Variants in LPIN3 observed in about 807,000 individuals in gnomAD.
LPIN3 encodes lipin 3.
In LPIN3, 82 loss-of-function variants were observed where a neutral mutation model predicts 94.7. The observed-to-expected ratio is 0.87, with a 90% CI of 0.72 to 1.04. LPIN3 has a LOEUF of 1.04. Among genes scored for constraint, LPIN3 ranks in the 50% least tolerant of loss-of-function variants. LPIN3 has a pLI of 0.00. For missense variants in LPIN3, 996 were observed against 1,090.5 expected (o/e 0.91, Z 1.22); for synonymous variants, 418 against 443.3 (o/e 0.94, Z 0.72).
chr20:41,342,639 GGCCCCC>G (rs1568986483), intron 1 of LPIN3, among the ~76,000 whole-genome samples: 1 of 152,074 alleles, frequency 6.6e-6, no homozygotes, highest in East Asian at 1.9e-4. Context: ...GCTCACAGAA[GGCCCCC>G]AAAATGCTGA....
intron 4 of LPIN3, 83 bp from the exon 5 acceptor site, chr20:41,349,009 C>A: frequency 6.3e-7 from 1 of 1,586,508 alleles, no homozygotes; most frequent in Non-Finnish European, 8.6e-7. Context: ...CTTCACCTTA[C>A]CAAGCCCCTG....
Position 41,357,371 on chromosome 20 carries a change from C to G in LPIN3, c.1963C>G (p.Leu655Val). The G allele has an allele frequency of 1.6e-5, 26 of 1,614,064 alleles. No individual in the cohort carries two copies. The highest frequency in any genetic ancestry group is 2.2e-5 in the Non-Finnish European group (26 of 1,179,958). The change falls in exon 16 of 20, where the codon CTG becomes GTG. Residue 655 changes from leucine (L) to valine (V), a missense_variant. Physicochemically the swap from Leu to Val is conservative, Grantham distance 32. Coordinates refer to ENST00000373257, the MANE Select transcript of LPIN3 (RefSeq NM_022896.3). The stretch of plus-strand genomic sequence containing the variant: ...CCTCTCTCACTCTAGGTCAGATGCT[C>G]TGGGCCATATCCTGCCCCAGCTGGG... The part of the protein sequence containing the change: ...IDGTITKSDA[L>V]GHILPQLGKD...
chr20:41,358,565 T>G, intron 19 of LPIN3, 23 bp downstream of exon 19: 15 of 1,612,450 alleles, frequency 9.3e-6, no homozygotes, highest in Non-Finnish European at 1.3e-5. Flanking sequence ...CCTGCCATGT[T>G]CCCCATGCCC....
At position 41,356,001 on chromosome 20, in the gene LPIN3, C is replaced by G. The variant is rs1242952795; in HGVS notation, c.1770C>G (p.Tyr590Ter). 1 of 1,614,162 alleles carries G rather than the reference C, an allele frequency of 6.2e-7. No individual in the cohort carries two copies. Among genetic ancestry groups the G allele is most frequent in the East Asian group, 2.2e-5 (1 of 44,882 alleles). Residue 590 changes from tyrosine (Y) to a stop codon, truncating the protein, a stop_gained, in exon 14 of 20, where the codon TAC (tyrosine) becomes TAG (stop). Coordinates refer to ENST00000373257, the MANE Select transcript of LPIN3 (RefSeq NM_022896.3). LOFTEE classifies it high-confidence loss of function. ...CCACTCCACCCTCCACTCCTACCTA[C>G]AAGAAGTCCCTCCGCCTCTCCTCCG... ...PPSTPPSTPT[Y>*]KKSLRLSSDQ...
chr20:41,349,320 T>C, intron 5 of LPIN3, 148 bp downstream of exon 5: 2 of 674,610 alleles, frequency 3.0e-6, no homozygotes, highest in East Asian at 2.8e-5. Flanking sequence ...TTCAAGTCTT[T>C]TATTGATTTT....
chr20:41,345,908 G>T lies in LPIN3; in HGVS notation c.105G>T (p.Val35=). The T allele has an allele frequency of 6.2e-7, 1 of 1,614,224 alleles. No homozygotes were observed. The highest frequency in any genetic ancestry group is 8.5e-7 in the Non-Finnish European group (1 of 1,180,052). The change falls in exon 2 of 20, where the codon GTG becomes GTT. Residue 35 remains valine (V), a synonymous_variant. Transcript: ENST00000373257. The part of the protein sequence containing the change: ...ATLSGGIDVL[V]VKQVDGSFRC... The stretch of plus-strand genomic sequence containing the variant: ...TGAGCGGCGGCATTGACGTGCTGGT[G>T]GTGAAGCAGGTGGACGGCTCGTTCC...
chr20:41,349,211 C>A, intron 5 of LPIN3, 39 bp downstream of exon 5: 1 of 1,582,958 alleles, frequency 6.3e-7, no homozygotes, highest in Non-Finnish European at 8.7e-7. Context: ...GACTCCAGAT[C>A]AAGGTCTGAG....
At position 41,359,600 on chromosome 20, in the gene LPIN3, G is replaced by A. The variant is rs1203361277; in HGVS notation, c.*734G>A. On this transcript the variant is annotated 3_prime_UTR_variant, in exon 20 of 20. Coordinates refer to ENST00000373257, the MANE Select transcript of LPIN3 (RefSeq NM_022896.3). ...GTGGTACAGCCTCTGGAAGGACACAGTGTTCTCCCCGCCCCTTGTCTGGGA... is the reference window on the plus strand; with the variant it reads ...GTGGTACAGCCTCTGGAAGGACACAATGTTCTCCCCGCCCCTTGTCTGGGA... 6.6e-6 allele frequency: 1 copy of A among 152,250 alleles called. No homozygotes were observed. The highest frequency in any genetic ancestry group is 2.4e-5 in the African/African-American group (1 of 41,430). The allele number at this position is 152,250 out of a possible 1,614,324, so 9.4% of individuals were successfully genotyped here.
intron 1 of LPIN3, among the ~76,000 whole-genome samples, chr20:41,344,405 A>G (rs1281381255): frequency 1.3e-5 from 2 of 152,238 alleles, no homozygotes; most frequent in Non-Finnish European, 2.9e-5. Context: ...CCTCACCTGT[A>G]AAGTCACTTA....
In LPIN3 at chr20:41,358,361, T is replaced by TC; in HGVS notation, c.2307+14dup. ...TGGGAATAGGCCCAATGTGAGTGTG[T>TC]CCCCTCCACTCTGCTGAGCCACCTC... On this transcript the variant is annotated intron_variant, in intron 18 of 19. Coordinates refer to ENST00000373257, the MANE Select transcript of LPIN3 (RefSeq NM_022896.3). 6.2e-7 allele frequency: 1 copy of TC among 1,613,432 alleles called. No individual in the cohort carries two copies. Among genetic ancestry groups the TC allele is most frequent in the South Asian group, 1.1e-5 (1 of 91,072 alleles).
At chr20:41,352,502 C>G in intron 9 of LPIN3, 104 bp from the exon 10 acceptor site, 1 of 1,071,032 alleles carries the variant, frequency 9.3e-7, no homozygotes. Flanking sequence ...GTTACAAAGC[C>G]AACCGACAGG....
chr20:41,350,847 A>G (rs1225385536), intron 7 of LPIN3, among the ~76,000 whole-genome samples: 2 of 152,100 alleles, frequency 1.3e-5, no homozygotes, highest in Non-Finnish European at 2.9e-5. Flanking sequence ...AGATGAGCAG[A>G]CTCAGATGGC....
At position 41,357,230 on chromosome 20, in the gene LPIN3, G is replaced by A. The variant is rs776831453; in HGVS notation, c.1952+42G>A. On this transcript the variant is annotated intron_variant, in intron 15 of 19. Coordinates refer to ENST00000373257, the MANE Select transcript of LPIN3 (RefSeq NM_022896.3). ...TGTGGGAAGGGGAGGGAGAGGGGTT[G>A]TGGACTCGCCTCCCTCTGTGCTGGG... 38 of 1,611,568 alleles carry A rather than the reference G, an allele frequency of 2.4e-5. No homozygotes were observed. In the Admixed American group the frequency reaches 5.8e-4, roughly 25 times the overall value.
At position 41,359,568 on chromosome 20, in the gene LPIN3, T is replaced by C. The variant is rs1178843286; in HGVS notation, c.*702T>C. The C allele has an allele frequency of 8.5e-5, 13 of 152,258 alleles. No homozygotes were observed. The highest frequency in any genetic ancestry group is 8.5e-4 in the Admixed American group (13 of 15,266). 9.4% of individuals were successfully genotyped at this position (152,258 alleles called of 1,614,324 possible). ...AGGCTTCAGTGAAGGGTGACAGCAG[T>C]GGGAGTGTGGTACAGCCTCTGGAAG... On this transcript the variant is annotated 3_prime_UTR_variant, in exon 20 of 20. Transcript: ENST00000373257.
At chr20:41,352,002 G>A (rs779637247) in intron 8 of LPIN3, 58 bp from the exon 9 acceptor site, 77 of 1,613,442 alleles carry the variant, frequency 4.8e-5, no homozygotes, top group Non-Finnish European at 6.4e-5. Context: ...TGTGAGGAGG[G>A]AGGACCCATC....
intron 4 of LPIN3, 65 bp from the exon 5 acceptor site, chr20:41,349,027 G>A: frequency 1.2e-6 from 2 of 1,600,078 alleles, no homozygotes; most frequent in South Asian, 1.1e-5. Flanking sequence ...CTGATGTCCA[G>A]GCTCTCATGC....
rs905845032 is a variant in LPIN3 at position 41,359,130 on chromosome 20, T to G, written c.*264T>G. 4.1e-5 allele frequency: 11 copies of G among 270,316 alleles called. No homozygotes were observed. The highest frequency in any genetic ancestry group is 2.0e-4 in the East Asian group (3 of 14,806). 16.7% of individuals were successfully genotyped at this position (270,316 alleles called of 1,614,324 possible). A position where few individuals can be genotyped will look rare whatever the true frequency, so the allele number is the denominator to read the frequency against. On this transcript the variant is annotated 3_prime_UTR_variant, in exon 20 of 20. Coordinates refer to ENST00000373257, the MANE Select transcript of LPIN3 (RefSeq NM_022896.3). The stretch of plus-strand genomic sequence containing the variant: ...CTGGGCCCTTGCAGGGTTCTTTTTT[T>G]TTTTTTTTTTTTTTTTTTCCTGAGA...
At chr20:41,345,703 G>A in intron 1 of LPIN3, 93 bp from the exon 2 acceptor site, 2 of 1,348,508 alleles carry the variant, frequency 1.5e-6, no homozygotes, top group Middle Eastern at 2.0e-4. Context: ...TGACACAAAT[G>A]TAAACTTGGG....
intron 7 of LPIN3, among the ~76,000 whole-genome samples, chr20:41,351,517 G>A (rs1222897514): frequency 3.3e-5 from 5 of 151,854 alleles, no homozygotes; most frequent in Non-Finnish European, 5.9e-5. Context: ...GGATGGTCTC[G>A]ATCCCCTGAC....
Sources: allele counts gnomAD v4.1 joint callset (sites outside exome capture counted in the v4.1 genomes callset), GRCh38; gene constraint gnomAD v4.1.1; transcripts MANE v1.5; gene names NCBI Gene and HGNC (gene_info 2026-07-23, HGNC 2026-07-21).